The following NPSR1 variants were observed in gnomAD, a reference collection of about 807,000 sequenced individuals.
NPSR1 encodes neuropeptide S receptor 1.
Under a neutral mutation model 46.9 loss-of-function variants are expected in NPSR1, and 48 were observed. The observed-to-expected ratio is 1.02, with a 90% CI of 0.81 to 1.30. NPSR1 has a LOEUF of 1.30. NPSR1 is among the 50% of genes most tolerant of loss of function. The pLI is 0.00. For missense variants in NPSR1, 450 were observed against 449.5 expected, an observed-to-expected ratio of 1.00 and a Z score of -0.01; for synonymous variants, 176 against 168.1, an observed-to-expected ratio of 1.05 and a Z score of -0.36.
rs1320401356 is a variant in NPSR1 at position 34,803,804 on chromosome 7, G to C, written c.385-7966G>C. Among the ~76,000 whole-genome samples the C allele has an allele frequency of 4.0e-5, 6 of 148,248 alleles. No homozygotes were observed. In the East Asian group the frequency reaches 1.2e-3, roughly 29 times the overall value. Reference sequence around the variant, plus strand: ...GCCACAAGTTACTAATATCAGAAATGAAAGAGGGGTCATCACTACTGATTC... The same window carrying C: ...GCCACAAGTTACTAATATCAGAAATCAAAGAGGGGTCATCACTACTGATTC... On this transcript the variant is annotated intron_variant, in intron 3 of 8. Transcript: ENST00000360581.
rs1314479162 is a variant in NPSR1 at position 34,658,533 on chromosome 7, TGG to T, written c.124_125del (p.Gly42PhefsTer7). Reference protein sequence around the residue: ...TFTEVVEGKEWGSFYYSFKTE... With the variant: ...TFTEVVEGKEXGSFYYSFKTE... ...TACTGAAGTGGTGGAAGGAAAGGAA[TGG>T]GGTTCCTTCTACTACTCCTTTAAGG... On this transcript the variant is annotated frameshift_variant, in exon 1 of 9. Coordinates refer to ENST00000360581, the MANE Select transcript of NPSR1 (RefSeq NM_207172.2). LOFTEE classifies it high-confidence loss of function. The T allele has an allele frequency of 1.2e-6, 2 of 1,614,002 alleles. No individual in the cohort carries two copies. Among genetic ancestry groups the T allele is most frequent in the East Asian group, 4.5e-5 (2 of 44,880 alleles).
intron 3 of NPSR1, among the ~76,000 whole-genome samples, chr7:34,790,948 A>ATATGTTATATGTTATGTTATATATGT (rs1562730046): frequency 2.2e-5 from 2 of 90,534 alleles, no homozygotes; most frequent in East Asian, 8.4e-4. Context: ...TATATATCAT[A>ATATGTTATATGTTATGTTATATATGT]TATGTTATAT....
chr7:34,853,502 T>A (rs1790984473), downstream of NPSR1, among the ~76,000 whole-genome samples: 1 of 152,216 alleles, frequency 6.6e-6, no homozygotes, highest in African/African-American at 2.4e-5. Context: ...GCAATTGCAT[T>A]TTAAGAATAC....
chr7:34,777,845 G>T (rs576705756), intron 2 of NPSR1, among the ~76,000 whole-genome samples: 27 of 152,198 alleles, frequency 1.8e-4, no homozygotes, highest in African/African-American at 5.3e-4. Flanking sequence ...CAGATGACCT[G>T]CCCACAAGAG....
chr7:34,723,448 A>G (rs1010792141), intron 2 of NPSR1: 2 of 152,526 alleles, frequency 1.3e-5, no homozygotes, highest in Non-Finnish European at 2.9e-5. Flanking sequence ...GAGGACACCA[A>G]GTGCCTAAGA....
At chr7:34,722,814 G>C (rs1392082378) in intron 2 of NPSR1, among the ~76,000 whole-genome samples, 3 of 152,174 alleles carry the variant, frequency 2.0e-5, no homozygotes, top group Non-Finnish European at 4.4e-5. Flanking sequence ...ATGGAGGGAA[G>C]TGTCTTGAGC....
chr7:34,742,842 A>T (rs1785016987), intron 2 of NPSR1, among the ~76,000 whole-genome samples: 3 of 152,272 alleles, frequency 2.0e-5, no homozygotes, highest in Non-Finnish European at 4.4e-5. Context: ...TTTTAGTAAT[A>T]GCCATTCTGA....
chr7:34,819,866 A>G (rs1789465350), intron 4 of NPSR1, among the ~76,000 whole-genome samples: 1 of 152,202 alleles, frequency 6.6e-6, no homozygotes, highest in Non-Finnish European at 1.5e-5. Flanking sequence ...GTGGGAACTG[A>G]ACAACGAAAA....
intron 2 of NPSR1, among the ~76,000 whole-genome samples, chr7:34,696,091 A>C (rs908565837): frequency 7.3e-5 from 11 of 151,394 alleles, no homozygotes; most frequent in Admixed American, 3.9e-4. Flanking sequence ...AAAAAAAAAA[A>C]AAAAAAACTG....
chr7:34,843,256 G>A (rs1354444634), intron 6 of NPSR1, among the ~76,000 whole-genome samples: 1 of 152,192 alleles, frequency 6.6e-6, no homozygotes, highest in Non-Finnish European at 1.5e-5. Context: ...TCTAGAGGCT[G>A]GGAAATCCAA....
At chr7:34,793,298 A>G (rs1003734298) in intron 3 of NPSR1, among the ~76,000 whole-genome samples, 3 of 152,152 alleles carry the variant, frequency 2.0e-5, no homozygotes, top group African/African-American at 7.2e-5. Context: ...TTGGCAAACT[A>G]TGCATCTGAT....
chr7:34,822,417 A>G (rs1433094779), intron 4 of NPSR1, among the ~76,000 whole-genome samples: 1 of 152,226 alleles, frequency 6.6e-6, no homozygotes, highest in Non-Finnish European at 1.5e-5. Context: ...AGGGGAGGCC[A>G]TATTTTATTT....
At chr7:34,851,676 T>A (rs557634830), downstream of NPSR1, among the ~76,000 whole-genome samples, 1 of 152,356 alleles carries the variant, frequency 6.6e-6, no homozygotes, top group East Asian at 1.9e-4. Flanking sequence ...GAGGACCAGG[T>A]TCTCTTGACA....
intron 1 of NPSR1, among the ~76,000 whole-genome samples, chr7:34,670,723 T>G (rs552116275): frequency 6.6e-6 from 1 of 151,966 alleles, no homozygotes; most frequent in African/African-American, 2.4e-5. Context: ...ATAAAAACAA[T>G]TTTAGATTAA....
chr7:34,676,024 G>T lies in NPSR1; in HGVS notation c.148-8528G>T, dbSNP rs117481242. ...TGGGACACCATCAGCACAGTGTGGT[G>T]GGGGGTGGGTAGGGAGAATGCTTCT... On this transcript the variant is annotated intron_variant, in intron 1 of 8. Transcript: ENST00000360581. Among the ~76,000 whole-genome samples, 30 of 152,264 alleles carry T rather than the reference G, an allele frequency of 2.0e-4. No homozygotes were observed. The East Asian group carries it at 5.8e-3, about 29-fold the overall frequency.
At chr7:34,849,373 C>A (rs1375561254) in intron 8 of NPSR1, 192 bp from the exon 9 acceptor site, 2 of 1,552,218 alleles carry the variant, frequency 1.3e-6, no homozygotes, top group Non-Finnish European at 8.7e-7. Context: ...GTCCTCTGGG[C>A]TCTGGTGCTG....
intron 2 of NPSR1, among the ~76,000 whole-genome samples, chr7:34,747,374 G>C (rs1316683585): frequency 6.6e-6 from 1 of 152,140 alleles, no homozygotes; most frequent in African/African-American, 2.4e-5. Flanking sequence ...CAGAGAGCTT[G>C]AAACAGCCAC....
downstream of NPSR1, among the ~76,000 whole-genome samples, chr7:34,851,456 C>T (rs1424600610): frequency 2.6e-5 from 4 of 152,112 alleles, no homozygotes; most frequent in African/African-American, 9.7e-5. Context: ...TATTTCTACA[C>T]AACAGTTTTG....
chr7:34,702,816 T>C (rs1024396134), intron 2 of NPSR1, among the ~76,000 whole-genome samples: 7 of 152,338 alleles, frequency 4.6e-5, no homozygotes, highest in African/African-American at 1.7e-4. Flanking sequence ...AAAGGCACTT[T>C]TGTGGCTTTT....
Sources: allele counts gnomAD v4.1 joint callset (sites outside exome capture counted in the v4.1 genomes callset), GRCh38; gene constraint gnomAD v4.1.1; transcripts MANE v1.5; gene names NCBI Gene and HGNC (gene_info 2026-07-23, HGNC 2026-07-21).